The following CRY1 variants were observed in gnomAD, a reference collection of about 807,000 sequenced individuals.
CRY1 encodes cryptochrome-1.
Under a neutral mutation model 76.0 loss-of-function variants are expected in CRY1, and 45 were observed. The ratio of observed to expected loss-of-function variants is 0.59; its 90% confidence interval spans 0.47 to 0.76. CRY1 has a LOEUF of 0.76. CRY1 is among the 30% of genes least tolerant of loss of function. The pLI, the probability that CRY1 is intolerant of heterozygous loss-of-function variation, is 0.00. For missense variants in CRY1, 587 were observed against 716.4 expected (o/e 0.82, Z 2.06); for synonymous variants, 248 against 244.0 (o/e 1.02, Z -0.15).
intron 2 of CRY1, among the ~76,000 whole-genome samples, chr12:107,012,964 G>A (rs1016612842): frequency 5.3e-5 from 8 of 152,184 alleles, no homozygotes; most frequent in African/African-American, 1.9e-4. Context: ...ATGAGGAGCC[G>A]CTTTCTATGG....
intron 1 of CRY1, among the ~76,000 whole-genome samples, chr12:107,054,108 A>G (rs1952954998): frequency 6.6e-6 from 1 of 152,212 alleles, no homozygotes; most frequent in Admixed American, 6.5e-5. Context: ...TGTAAATAGT[A>G]GATATGTGGG....
In CRY1 at chr12:107,007,545, T is replaced by TA. The variant is rs1952388670; in HGVS notation, c.268-2298dup. Among the ~76,000 whole-genome samples the TA allele has an allele frequency of 7.9e-5, 12 of 151,648 alleles. 1 individual carries two copies. The South Asian group carries it at 2.5e-3, about 32-fold the overall frequency. On this transcript the variant is annotated intron_variant, in intron 2 of 12. Coordinates refer to ENST00000008527, the MANE Select transcript of CRY1 (RefSeq NM_004075.5). ...TCTTTTTCTTCTTTTTTTTTTTTTT[T>TA]AAGAGTTAGGCTCCCACTCTGTTGC...
chr12:107,090,961 A>C (rs767092966), intron 1 of CRY1, among the ~76,000 whole-genome samples: 3 of 152,218 alleles, frequency 2.0e-5, no homozygotes, highest in Non-Finnish European at 1.5e-5. Context: ...TCAAGCCAAA[A>C]ATTTTCTCAA....
At chr12:107,018,982 C>A (rs1408960152) in intron 2 of CRY1, among the ~76,000 whole-genome samples, 1 of 152,144 alleles carries the variant, frequency 6.6e-6, no homozygotes, top group Middle Eastern at 3.2e-3. Context: ...TCCCAATTAA[C>A]TAAGGGTACT....
intron 1 of CRY1, among the ~76,000 whole-genome samples, chr12:107,032,187 G>C (rs1952684732): frequency 6.6e-6 from 1 of 152,108 alleles, no homozygotes; most frequent in East Asian, 1.9e-4. Flanking sequence ...ACCTGCCTCG[G>C]CCTCCCAAAG....
At chr12:106,993,664 T>C (rs1229218199) in intron 10 of CRY1, among the ~76,000 whole-genome samples, 4 of 152,014 alleles carry the variant, frequency 2.6e-5, no homozygotes, top group Admixed American at 2.6e-4. Context: ...GGTGGATAGG[T>C]CAACACCTTA....
chr12:107,011,723 A>T (rs762784881), intron 2 of CRY1, among the ~76,000 whole-genome samples: 1 of 152,224 alleles, frequency 6.6e-6, no homozygotes, highest in Non-Finnish European at 1.5e-5. Flanking sequence ...TGTCTCCATA[A>T]CCTAAAAGTA....
At chr12:107,047,670 T>C (rs1952866164) in intron 1 of CRY1, among the ~76,000 whole-genome samples, 2 of 152,190 alleles carry the variant, frequency 1.3e-5, no homozygotes, top group South Asian at 2.1e-4. Context: ...TCTGCCATGA[T>C]TGTAAGGTTT....
At chr12:107,052,713 A>C (rs1042393393) in intron 1 of CRY1, among the ~76,000 whole-genome samples, 9 of 152,362 alleles carry the variant, frequency 5.9e-5, no homozygotes, top group Non-Finnish European at 1.3e-4. Flanking sequence ...TTTTGTGCAG[A>C]GGGAACAGCA....
intron 1 of CRY1, among the ~76,000 whole-genome samples, chr12:107,032,718 AGG>A (rs1952691678): frequency 6.6e-6 from 1 of 152,194 alleles, no homozygotes; most frequent in Non-Finnish European, 1.5e-5. Context: ...CAAAGGTGGG[AGG>A]ATCGCTCAAG....
chr12:107,028,586 T>G (rs1423729625), intron 1 of CRY1, among the ~76,000 whole-genome samples: 2 of 152,256 alleles, frequency 1.3e-5, no homozygotes, highest in Non-Finnish European at 2.9e-5. Context: ...ATGCTCTAAT[T>G]GAAACATATA....
intron 1 of CRY1, among the ~76,000 whole-genome samples, chr12:107,074,289 G>A (rs1446377460): frequency 6.6e-6 from 1 of 152,082 alleles, no homozygotes; most frequent in Non-Finnish European, 1.5e-5. Context: ...CATTCTCTAA[G>A]ACATATACAC....
In CRY1 at chr12:107,046,930, G is replaced by A. The variant is rs530989213; in HGVS notation, c.159-24738C>T. ...GGATAGATTCCATTACAATAATAGG[G>A]ACTTAATCATCCAACTCTCAGCATT... On this transcript the variant is annotated intron_variant, in intron 1 of 12. Coordinates refer to ENST00000008527, the MANE Select transcript of CRY1 (RefSeq NM_004075.5). Among the ~76,000 whole-genome samples the A allele has an allele frequency of 3.9e-5, 6 of 152,208 alleles. No homozygotes were observed. In the South Asian group the frequency reaches 1.2e-3, roughly 32 times the overall value.
intron 3 of CRY1, among the ~76,000 whole-genome samples, chr12:107,004,887 T>C (rs1347923520): frequency 6.6e-6 from 1 of 152,198 alleles, no homozygotes; most frequent in Non-Finnish European, 1.5e-5. Flanking sequence ...ATACCTGTCA[T>C]TGGGTCAATA....
chr12:107,048,885 T>C (rs527512516), intron 1 of CRY1, among the ~76,000 whole-genome samples: 1 of 152,306 alleles, frequency 6.6e-6, no homozygotes, highest in South Asian at 2.1e-4. Flanking sequence ...AGTCTAATTG[T>C]CTGGTTTTTT....
At chr12:107,091,733 A>C (rs529762338) in intron 1 of CRY1, among the ~76,000 whole-genome samples, 2 of 152,308 alleles carry the variant, frequency 1.3e-5, no homozygotes, top group African/African-American at 4.8e-5. Flanking sequence ...ATTCTGCTCC[A>C]GACATACTGG....
At chr12:107,030,171 A>C (rs973239229) in intron 1 of CRY1, among the ~76,000 whole-genome samples, 1 of 152,168 alleles carries the variant, frequency 6.6e-6, no homozygotes, top group African/African-American at 2.4e-5. Flanking sequence ...AGGGATTTTA[A>C]AGGCTTGATT....
At chr12:107,040,484 C>A (rs558815995) in intron 1 of CRY1, among the ~76,000 whole-genome samples, 11 of 151,818 alleles carry the variant, frequency 7.2e-5, no homozygotes, top group African/African-American at 2.7e-4. Context: ...TGGAGTTTCA[C>A]CATATTGGCC....
At chr12:107,018,526 G>A (rs1952520825) in intron 2 of CRY1, among the ~76,000 whole-genome samples, 1 of 152,142 alleles carries the variant, frequency 6.6e-6, no homozygotes, top group Non-Finnish European at 1.5e-5. Flanking sequence ...GGCAAATGTT[G>A]CAGTGAGCCA....
Sources: gnomAD v4.1 joint callset for allele counts (sites outside exome capture counted in the v4.1 genomes callset) on GRCh38, gnomAD v4.1.1 for gene constraint, MANE v1.5 for transcripts, NCBI Gene and HGNC (gene_info 2026-07-23, HGNC 2026-07-21) for gene names.